RYR2: variants seen among roughly 807,000 people sequenced by gnomAD.
RYR2 encodes ryanodine receptor 2, also known as cardiac muscle ryanodine receptor-calcium release channel.
Under a neutral mutation model 601.1 loss-of-function variants are expected in RYR2, and 227 were observed. The observed-to-expected ratio is 0.38, with a 90% confidence interval of 0.34 to 0.42. RYR2 has a LOEUF of 0.42. Among genes scored for constraint, RYR2 ranks in the 10% least tolerant of loss-of-function variants. The pLI is 1.00. For synonymous variants in RYR2, 2,223 were observed against 2,175.1 expected, an observed-to-expected ratio of 1.02 and a Z score of -0.61; for missense variants, 4,646 against 6,156.5, an observed-to-expected ratio of 0.75 and a Z score of 8.21.
At chr1:237,153,543 T>C (rs989767459) in intron 1 of RYR2, among the ~76,000 whole-genome samples, 1 of 152,148 alleles carries the variant, frequency 6.6e-6, no homozygotes, top group African/African-American at 2.4e-5. Flanking sequence ...AATTTAATGT[T>C]GAGTTGAGCT....
intron 62 of RYR2, 141 bp from the exon 63 acceptor site, chr1:237,687,314 G>A: frequency 1.7e-6 from 1 of 600,278 alleles, no homozygotes; most frequent in South Asian, 2.0e-5. Flanking sequence ...GTGACATCAT[G>A]TTGCTTTTTT....
chr1:237,073,263 C>T (rs916814604), intron 1 of RYR2, among the ~76,000 whole-genome samples: 1 of 152,178 alleles, frequency 6.6e-6, no homozygotes, highest in African/African-American at 2.4e-5. Context: ...ATGGGCCTCT[C>T]TCTCGAGCAG....
chr1:237,705,290 A>G lies in RYR2; in HGVS notation c.9527A>G (p.Asp3176Gly). ...GTAGCATTTTTGGAAACTCATCTGG[A>G]CAAACATAATATTTACTCCATCTAC... Reference protein sequence around the residue: ...FPVAFLETHLDKHNIYSIYNT... With the variant: ...FPVAFLETHLGKHNIYSIYNT... The change falls in exon 67 of 105, where the codon GAC (aspartate) becomes GGC (glycine). Residue 3176 changes from aspartate to glycine, a missense_variant. Coordinates refer to ENST00000366574, the MANE Select transcript of RYR2 (RefSeq NM_001035.3). 6.2e-7 allele frequency: 1 copy of G among 1,604,834 alleles called. No homozygotes were observed. Among genetic ancestry groups the G allele is most frequent in the East Asian group, 2.2e-5 (1 of 44,708 alleles).
chr1:237,298,814 A>G lies in RYR2; in HGVS notation c.168+28198A>G, dbSNP rs542463905. ...TGGGAGTTTGAGACCAATCTGGGCAAGATGGCAAGACCCCGTTTCTACAAA... is the reference window on the plus strand; with the variant it reads ...TGGGAGTTTGAGACCAATCTGGGCAGGATGGCAAGACCCCGTTTCTACAAA... On this transcript the variant is annotated intron_variant, in intron 2 of 104. Transcript: ENST00000366574. Among the ~76,000 whole-genome samples the G allele has an allele frequency of 4.6e-5, 7 of 152,250 alleles. No homozygotes were observed. The South Asian group carries it at 1.2e-3, about 27-fold the overall frequency.
In RYR2 at chr1:237,614,794, C is replaced by G; in HGVS notation, c.5666C>G (p.Pro1889Arg). The G allele has an allele frequency of 6.2e-7, 1 of 1,603,922 alleles. No individual in the cohort carries two copies. The highest frequency in any genetic ancestry group is 1.7e-5 in the Admixed American group (1 of 59,176). The change falls in exon 37 of 105, where the codon CCC becomes CGC. Residue 1889 changes from proline to arginine, a missense_variant. Coordinates refer to ENST00000366574, the MANE Select transcript of RYR2 (RefSeq NM_001035.3). This position sits in a 1 kb window ranked among gnomAD's most constrained non-coding sequence, Gnocchi z 4.3. ...GEEEAKGGKR[P>R]KEGLLQMKLP... ...GAAGAAGCCAAGGGGGGCAAGCGGC[C>G]CAAGGAAGGCCTGCTCCAAATGAAA...
At chr1:237,555,391 A>G (rs1670781276) in intron 27 of RYR2, among the ~76,000 whole-genome samples, 1 of 152,086 alleles carries the variant, frequency 6.6e-6, no homozygotes, top group Non-Finnish European at 1.5e-5. Flanking sequence ...GGTAGCAGTG[A>G]TGACAGTCAA....
intron 76 of RYR2, among the ~76,000 whole-genome samples, chr1:237,729,924 G>A (rs1009111919): frequency 2.0e-5 from 3 of 152,058 alleles, no homozygotes; most frequent in Admixed American, 6.6e-5. Flanking sequence ...TAATCAATGC[G>A]ATTTACATCC....
intron 16 of RYR2, among the ~76,000 whole-genome samples, chr1:237,466,637 TA>T (rs1660115520): frequency 1.3e-5 from 2 of 152,014 alleles, no homozygotes; most frequent in Non-Finnish European, 2.9e-5. Flanking sequence ...TATTGCGATT[TA>T]TTTTTTTCTG....
intron 1 of RYR2, among the ~76,000 whole-genome samples, chr1:237,068,026 A>C (rs1663861848): frequency 6.8e-6 from 1 of 147,598 alleles, no homozygotes; most frequent in Non-Finnish European, 1.5e-5. Context: ...TTTATCCAGA[A>C]CTTTGATTTT....
At chr1:237,783,428 G>A in intron 89 of RYR2, among the ~76,000 whole-genome samples, 1 of 152,076 alleles carries the variant, frequency 6.6e-6, no homozygotes, top group East Asian at 1.9e-4. Flanking sequence ...TGATTGAGGG[G>A]AAAAATGTCA....
intron 8 of RYR2, among the ~76,000 whole-genome samples, chr1:237,387,043 C>T (rs540908874): frequency 6.6e-6 from 1 of 152,260 alleles, no homozygotes; most frequent in African/African-American, 2.4e-5. Context: ...TTCATTTATG[C>T]ATATTTTGAT....
intron 101 of RYR2, among the ~76,000 whole-genome samples, chr1:237,824,888 C>T (rs1662923711): frequency 6.6e-6 from 1 of 152,018 alleles, no homozygotes; most frequent in African/African-American, 2.4e-5. Flanking sequence ...AATAGACAAA[C>T]AGCCAAATTG....
intron 27 of RYR2, 21 bp downstream of exon 27, chr1:237,550,712 T>C (rs1265305886): frequency 6.5e-7 from 1 of 1,536,912 alleles, no homozygotes; most frequent in Non-Finnish European, 8.8e-7. Context: ...TTTACTTTCC[T>C]CTTCTTCGGT....
rs1274600114 is a variant in RYR2 at position 237,784,721 on chromosome 1, C to T, written c.13009C>T (p.Pro4337Ser). ...AGAACTGTTAGCCAACATGCCAGAC[C>T]CCACTCAGGATGAGGTTAGAGGAGA... is the stretch of plus-strand genomic sequence containing the variant. ...VAELLANMPD[P>S]TQDEVRGDGE... Residue 4337 changes from proline (P) to serine (S), a missense_variant, in exon 90 of 105, where the codon CCC becomes TCC. By Grantham distance (74) the Pro-to-Ser change is moderately conservative. Coordinates refer to ENST00000366574, the MANE Select transcript of RYR2 (RefSeq NM_001035.3). The surrounding 1 kb of genome is among the most constrained non-coding windows in gnomAD (Gnocchi z 7.1). 6.2e-7 allele frequency: 1 copy of T among 1,605,472 alleles called. No individual in the cohort carries two copies. The highest frequency in any genetic ancestry group is 1.7e-5 in the Admixed American group (1 of 59,240).
At chr1:237,499,511 A>G (rs1664416648) in intron 20 of RYR2, among the ~76,000 whole-genome samples, 1 of 152,224 alleles carries the variant, frequency 6.6e-6, no homozygotes, top group Admixed American at 6.5e-5. Flanking sequence ...GCTATTAGCT[A>G]CAGATCATGG....
At chr1:237,809,506 T>C (rs1435717081) in intron 100 of RYR2, among the ~76,000 whole-genome samples, 2 of 152,204 alleles carry the variant, frequency 1.3e-5, no homozygotes, top group Non-Finnish European at 2.9e-5. Context: ...TTTTCAAAAA[T>C]CAACAGCTGT....
At chr1:237,577,698 T>C (rs1429130227) in intron 29 of RYR2, among the ~76,000 whole-genome samples, 1 of 135,410 alleles carries the variant, frequency 7.4e-6, no homozygotes, top group East Asian at 3.3e-4. Flanking sequence ...TGGTAGATAC[T>C]TAAGAGTATT....
chr1:237,617,372 T>C lies in RYR2; in HGVS notation c.5802T>C (p.Ala1934=). The part of the protein sequence containing the change: ...AIVAFSDDFV[A]KLQDNQRFRY... ...TAGCCTTTTCAGATGATTTTGTGGC[T>C]AAGCTCCAAGACAATCAACGTTTCC... Residue 1934 remains alanine, a synonymous_variant, in exon 38 of 105, where the codon GCT becomes GCC. Coordinates refer to ENST00000366574, the MANE Select transcript of RYR2 (RefSeq NM_001035.3). 1 of 1,614,002 alleles carries C rather than the reference T, an allele frequency of 6.2e-7. No homozygotes were observed. The highest frequency in any genetic ancestry group is 1.1e-5 in the South Asian group (1 of 91,084).
intron 29 of RYR2, among the ~76,000 whole-genome samples, chr1:237,585,950 A>G (rs1170862257): frequency 6.6e-6 from 1 of 152,228 alleles, no homozygotes; most frequent in Non-Finnish European, 1.5e-5. Context: ...TAAAAATTAC[A>G]AACATTCCCA....
Sources: allele counts gnomAD v4.1 joint callset (sites outside exome capture counted in the v4.1 genomes callset), GRCh38; gene constraint gnomAD v4.1.1; non-coding constraint Gnocchi (gnomAD v3.1); transcripts MANE v1.5; gene names NCBI Gene and HGNC (gene_info 2026-07-23, HGNC 2026-07-21).